Variants in ANKRD55 observed in about 807,000 individuals in gnomAD.
ANKRD55 encodes ankyrin repeat domain 55, also known as ankyrin repeat domain-containing protein 55.
Under a neutral mutation model 60.6 loss-of-function variants are expected in ANKRD55, and 41 were observed. The observed-to-expected ratio is 0.68, with a 90% CI of 0.53 to 0.88. ANKRD55 has a LOEUF of 0.88. Ranked by LOEUF, ANKRD55 falls within the 40% of genes least tolerant of loss-of-function variation. The probability of loss-of-function intolerance (pLI) is 0.00; values close to 1 mark genes in which losing one functional copy is unlikely to be tolerated. For missense variants in ANKRD55, 732 were observed against 767.6 expected, an observed-to-expected ratio of 0.95 and a Z score of 0.55; for synonymous variants, 264 against 290.3, an observed-to-expected ratio of 0.91 and a Z score of 0.92.
chr5:56,109,467 CG>C (rs1561249770), intron 10 of ANKRD55, among the ~76,000 whole-genome samples: 31 of 151,674 alleles, frequency 2.0e-4, no homozygotes. Flanking sequence ...ACTGTGGCAC[CG>C]AACAGGTTTC....
chr5:56,209,491 G>A (rs563980819), intron 2 of ANKRD55, among the ~76,000 whole-genome samples: 1 of 148,484 alleles, frequency 6.7e-6, no homozygotes, highest in African/African-American at 2.5e-5. Flanking sequence ...TTTTGAGACG[G>A]AGTCTCACTC....
chr5:56,208,842 G>A (rs1406988868), intron 2 of ANKRD55, among the ~76,000 whole-genome samples: 1 of 152,170 alleles, frequency 6.6e-6, no homozygotes, highest in Non-Finnish European at 1.5e-5. Context: ...ATCAATAGGT[G>A]ACAGAAAACG....
intron 2 of ANKRD55, among the ~76,000 whole-genome samples, chr5:56,203,886 T>G (rs996928408): frequency 1.3e-5 from 2 of 152,108 alleles, no homozygotes; most frequent in East Asian, 3.8e-4. Context: ...GTATTTCTAG[T>G]TCTAGATCCC....
intron 2 of ANKRD55, among the ~76,000 whole-genome samples, chr5:56,194,424 C>T (rs550838681): frequency 1.3e-5 from 2 of 151,994 alleles, no homozygotes; most frequent in African/African-American, 2.4e-5. Context: ...ATGATCCAAC[C>T]CCCCCAACAC....
chr5:56,184,820 C>T (rs768017029), intron 2 of ANKRD55, among the ~76,000 whole-genome samples: 1 of 151,524 alleles, frequency 6.6e-6, no homozygotes, highest in East Asian at 1.9e-4. Flanking sequence ...ATTGCTTGAG[C>T]CCCAGAGTTC....
intron 2 of ANKRD55, among the ~76,000 whole-genome samples, chr5:56,185,014 A>G (rs1758938077): frequency 6.6e-6 from 1 of 152,016 alleles, no homozygotes; most frequent in Non-Finnish European, 1.5e-5. Flanking sequence ...TGAGGTCAGG[A>G]GTTCAAGACC....
At chr5:56,129,112 C>G (rs1343761254) in intron 7 of ANKRD55, among the ~76,000 whole-genome samples, 1 of 152,186 alleles carries the variant, frequency 6.6e-6, no homozygotes, top group African/African-American at 2.4e-5. Context: ...GGATCACTTG[C>G]CTCCTGGTGA....
intron 3 of ANKRD55, among the ~76,000 whole-genome samples, chr5:56,182,674 A>G (rs1758876926): frequency 6.6e-6 from 1 of 152,142 alleles, no homozygotes; most frequent in African/African-American, 2.4e-5. Context: ...GGGGTATTAT[A>G]TTATGAGATT....
In ANKRD55 at chr5:56,133,248, A is replaced by AG. The variant is rs539484160; in HGVS notation, c.613-6143dup. 6.3e-4 allele frequency among the ~76,000 whole-genome samples: 96 copies of AG among 152,054 alleles called. No individual in the cohort carries two copies. In the South Asian group the frequency reaches 6.9e-3, roughly 11 times the overall value. On this transcript the variant is annotated intron_variant, in intron 7 of 11. Transcript: ENST00000341048. ...AAGGTCGGGAGTTCGAGACCAGCCTAGCCAACATGGTGAAACCCCATCTCT... is the reference window on the plus strand; with the variant it reads ...AAGGTCGGGAGTTCGAGACCAGCCTAGGCCAACATGGTGAAACCCCATCTCT...
At chr5:56,158,942 C>T (rs1372181220) in intron 6 of ANKRD55, among the ~76,000 whole-genome samples, 1 of 152,230 alleles carries the variant, frequency 6.6e-6, no homozygotes, top group Non-Finnish European at 1.5e-5. Flanking sequence ...GAGCCTCCCA[C>T]CTTGGCCTCC....
chr5:56,229,764 G>A (rs572712679), intron 2 of ANKRD55, among the ~76,000 whole-genome samples: 1 of 152,334 alleles, frequency 6.6e-6, no homozygotes, highest in East Asian at 1.9e-4. Flanking sequence ...GCAGCCATGA[G>A]CCAGAGTCAG....
chr5:56,116,514 A>T, intron 9 of ANKRD55, 101 bp downstream of exon 9: 1 of 971,792 alleles, frequency 1.0e-6, no homozygotes, highest in Non-Finnish European at 1.4e-6. Flanking sequence ...AAAGTATAAT[A>T]ATATTATTAT....
intron 7 of ANKRD55, among the ~76,000 whole-genome samples, chr5:56,131,364 G>A (rs1011543609): frequency 1.3e-5 from 2 of 152,136 alleles, no homozygotes; most frequent in Non-Finnish European, 1.5e-5. Flanking sequence ...TTAAAGAGTT[G>A]AGAAAAGCCT....
chr5:56,224,025 A>T (rs1760040998), intron 2 of ANKRD55, among the ~76,000 whole-genome samples: 2 of 152,224 alleles, frequency 1.3e-5, no homozygotes, highest in East Asian at 3.8e-4. Context: ...CCAAATCAAC[A>T]GAATATACAT....
intron 2 of ANKRD55, among the ~76,000 whole-genome samples, chr5:56,217,193 T>C (rs1418346084): frequency 6.6e-6 from 1 of 152,192 alleles, no homozygotes; most frequent in African/African-American, 2.4e-5. Context: ...AGCAAATCTA[T>C]TTACAACATG....
At chr5:56,191,139 A>G (rs1759084585) in intron 2 of ANKRD55, among the ~76,000 whole-genome samples, 1 of 152,196 alleles carries the variant, frequency 6.6e-6, no homozygotes, top group South Asian at 2.1e-4. Context: ...GAAATCAGGA[A>G]GTGTGAAACC....
At chr5:56,143,138 CAG>C (rs1372396297) in intron 7 of ANKRD55, among the ~76,000 whole-genome samples, 2 of 152,254 alleles carry the variant, frequency 1.3e-5, no homozygotes, top group Non-Finnish European at 2.9e-5. Context: ...GTGCTGAAGA[CAG>C]AGACGGGCTG....
chr5:56,113,104 C>A (rs1756784638), intron 9 of ANKRD55, among the ~76,000 whole-genome samples: 1 of 152,176 alleles, frequency 6.6e-6, no homozygotes, highest in Admixed American at 6.5e-5. Flanking sequence ...CTTGTGTAAG[C>A]CATCTCCTCC....
intron 2 of ANKRD55, among the ~76,000 whole-genome samples, chr5:56,210,560 CAAAAAA>C (rs59566826): frequency 1.5e-5 from 1 of 65,158 alleles, no homozygotes; most frequent in South Asian, 5.5e-4. Context: ...GACTACGTCT[CAAAAAA>C]AAAAAAAAAA....
Sources: gnomAD v4.1 joint callset for allele counts (sites outside exome capture counted in the v4.1 genomes callset) on GRCh38, gnomAD v4.1.1 for gene constraint, MANE v1.5 for transcripts, NCBI Gene and HGNC (gene_info 2026-07-23, HGNC 2026-07-21) for gene names.